The following BMP2K variants were observed in gnomAD, a reference collection of about 807,000 sequenced individuals.
The protein encoded by BMP2K is BMP-2-inducible protein kinase.
A neutral mutation model predicts 116.0 loss-of-function variants in BMP2K; 74 were observed. The ratio of observed to expected loss-of-function variants is 0.64; its 90% CI spans 0.53 to 0.77. BMP2K has a LOEUF of 0.77. Among genes scored for constraint, BMP2K ranks in the 30% least tolerant of loss-of-function variants. BMP2K has a pLI of 0.00. For synonymous variants in BMP2K, 486 were observed against 502.5 expected, an observed-to-expected ratio of 0.97 and a Z score of 0.44; for missense variants, 1,365 against 1,403.6, an observed-to-expected ratio of 0.97 and a Z score of 0.44.
intron 15 of BMP2K, chr4:78,906,022 G>A (rs1734264804): frequency 6.6e-6 from 1 of 151,944 alleles, no homozygotes; most frequent in South Asian, 2.1e-4. Context: ...TTTTATTTTT[G>A]TGTAATTCAC....
intron 15 of BMP2K, among the ~76,000 whole-genome samples, chr4:78,908,714 C>G (rs901901521): frequency 2.0e-5 from 3 of 152,124 alleles, no homozygotes; most frequent in Admixed American, 2.0e-4. Context: ...ATTTTTAGTA[C>G]TCCTCTTCAC....
intron 1 of BMP2K, among the ~76,000 whole-genome samples, chr4:78,817,837 G>A (rs943457699): frequency 3.3e-5 from 5 of 152,184 alleles, no homozygotes; most frequent in Admixed American, 1.3e-4. Context: ...GGGGCCCCAT[G>A]ATGACTTAAC....
intron 15 of BMP2K, among the ~76,000 whole-genome samples, chr4:78,907,770 T>C (rs1734360733): frequency 6.6e-6 from 1 of 152,144 alleles, no homozygotes; most frequent in African/African-American, 2.4e-5. Context: ...CTGTTTGTCT[T>C]GGTTCTTGTT....
intron 2 of BMP2K, among the ~76,000 whole-genome samples, chr4:78,829,328 C>T (rs1457187900): frequency 3.3e-5 from 5 of 152,106 alleles, no homozygotes; most frequent in African/African-American, 1.2e-4. Flanking sequence ...TATCTTTGCT[C>T]ATTCATAAGA....
At chr4:78,828,459 G>A (rs1223944286) in intron 2 of BMP2K, among the ~76,000 whole-genome samples, 3 of 152,120 alleles carry the variant, frequency 2.0e-5, no homozygotes, top group East Asian at 1.9e-4. Context: ...GCTTCATGAG[G>A]TCAGCATTCC....
chr4:78,792,059 A>G (rs577871730), intron 1 of BMP2K, among the ~76,000 whole-genome samples: 3 of 152,350 alleles, frequency 2.0e-5, no homozygotes, highest in South Asian at 2.1e-4. Flanking sequence ...TACATTCCCA[A>G]CAGCATTGCA....
chr4:78,799,762 G>A (rs1201847857), intron 1 of BMP2K, among the ~76,000 whole-genome samples: 1 of 138,074 alleles, frequency 7.2e-6, no homozygotes, highest in South Asian at 2.1e-4. Context: ...GGTTATAGGT[G>A]TACCAAGATT....
intron 15 of BMP2K, among the ~76,000 whole-genome samples, chr4:78,902,176 G>T (rs1734040951): frequency 6.6e-6 from 1 of 152,084 alleles, no homozygotes; most frequent in Non-Finnish European, 1.5e-5. Flanking sequence ...AGAAAATGAG[G>T]CTCAGAAAGG....
chr4:78,787,567 GC>G (rs1003461082), intron 1 of BMP2K, among the ~76,000 whole-genome samples: 14 of 152,026 alleles, frequency 9.2e-5, no homozygotes, highest in Admixed American at 6.6e-5. Context: ...GCTGTGTATG[GC>G]TTTATCTTGA....
intron 7 of BMP2K, among the ~76,000 whole-genome samples, chr4:78,854,603 G>T (rs192919266): frequency 6.6e-6 from 1 of 151,958 alleles, no homozygotes; most frequent in Non-Finnish European, 1.5e-5. Context: ...TAGCTATGTT[G>T]CCCAGGCTGG....
rs535094988 is a variant in BMP2K, at chr4:78,825,614, C to T, written c.179-423C>T. ...AATAATATTGGTTCATCTTCTGGAA[C>T]TGGAGGAGGGAAGCACCTATCTGAT... On this transcript the variant is annotated intron_variant, in intron 1 of 15. Coordinates refer to ENST00000502613, the MANE Select transcript of BMP2K (RefSeq NM_198892.2). 6.6e-4 allele frequency among the ~76,000 whole-genome samples: 101 copies of T among 152,296 alleles called. No individual in the cohort carries two copies. The South Asian group carries it at 0.012, about 18-fold the overall frequency.
chr4:78,906,037 C>G (rs903076580), intron 15 of BMP2K: 1 of 152,078 alleles, frequency 6.6e-6, no homozygotes, highest in Non-Finnish European at 1.5e-5. Flanking sequence ...ATTCACCTTT[C>G]TTTCCCAGCT....
chr4:78,862,311 T>G (rs1173554485), intron 9 of BMP2K, among the ~76,000 whole-genome samples: 3 of 152,042 alleles, frequency 2.0e-5, no homozygotes, highest in Non-Finnish European at 2.9e-5. Context: ...TGATAGATAT[T>G]AGGCTACTTT....
chr4:78,903,079 A>C (rs17003488), intron 15 of BMP2K, among the ~76,000 whole-genome samples: 10,481 of 152,010 alleles, frequency 0.069, 499 homozygotes, highest in East Asian at 0.22. Context: ...ATGATGTCTG[A>C]AATTTTCCCA....
At chr4:78,885,286 A>G (rs1733021483) in intron 14 of BMP2K, among the ~76,000 whole-genome samples, 1 of 152,202 alleles carries the variant, frequency 6.6e-6, no homozygotes, top group Non-Finnish European at 1.5e-5. Context: ...TTTTGAAAGA[A>G]TTAGTTGCCC....
At chr4:78,782,084 CTT>C (rs1727529730) in intron 1 of BMP2K, among the ~76,000 whole-genome samples, 1 of 152,236 alleles carries the variant, frequency 6.6e-6, no homozygotes, top group South Asian at 2.1e-4. Context: ...GGTGAATACT[CTT>C]TGCGCCTGGT....
At chr4:78,833,483 C>T in intron 2 of BMP2K, 99 bp from the exon 3 acceptor site, 1 of 794,358 alleles carries the variant, frequency 1.3e-6, no homozygotes, top group South Asian at 1.9e-5. Flanking sequence ...TAATTCTTAC[C>T]TTTTGAAATT....
chr4:78,873,760 T>C (rs982986633), intron 13 of BMP2K, among the ~76,000 whole-genome samples: 1 of 151,078 alleles, frequency 6.6e-6, no homozygotes, highest in Non-Finnish European at 1.5e-5. Context: ...GGGGCGGGTA[T>C]GGTAGAGAGG....
At position 78,859,698 on chromosome 4, in the gene BMP2K, T is replaced by A. The variant is rs1731676650; in HGVS notation, c.987+11T>A. The A allele has an allele frequency of 6.6e-7, 1 of 1,507,156 alleles. No homozygotes were observed. The highest frequency in any genetic ancestry group is 9.2e-7 in the Non-Finnish European group (1 of 1,089,524). 93.4% of individuals were successfully genotyped at this position (1,507,156 alleles called of 1,614,324 possible). A position where few individuals can be genotyped will look rare whatever the true frequency, so the allele number is the denominator to read the frequency against. On this transcript the variant is annotated intron_variant, in intron 8 of 15. Coordinates refer to ENST00000502613, the MANE Select transcript of BMP2K (RefSeq NM_198892.2). The stretch of plus-strand genomic sequence containing the variant: ...GTCTCCAACATCAATGTAAGTAGAT[T>A]TTCAAGTAGGATATGAATTTAAAAT...
Sources: allele counts gnomAD v4.1 joint callset (sites outside exome capture counted in the v4.1 genomes callset), GRCh38; gene constraint gnomAD v4.1.1; transcripts MANE v1.5; gene names NCBI Gene and HGNC (gene_info 2026-07-23, HGNC 2026-07-21).